EPHA6: variants seen among roughly 807,000 people sequenced by gnomAD.
EPHA6 encodes EPH receptor A6.
Under a neutral mutation model 112.0 loss-of-function variants are expected in EPHA6, and 50 were observed. That is an observed-to-expected ratio of 0.45 (90% CI 0.36 to 0.56). The LOEUF (loss-of-function observed/expected upper bound fraction) is 0.56, where lower values mean the gene tolerates loss of function less well. EPHA6 is among the 20% of genes least tolerant of loss of function. The pLI is 0.00. For synonymous variants in EPHA6, 529 were observed against 490.7 expected, an observed-to-expected ratio of 1.08 and a Z score of -1.03; for missense variants, 1,280 against 1,417.4, an observed-to-expected ratio of 0.90 and a Z score of 1.56.
intron 5 of EPHA6, among the ~76,000 whole-genome samples, chr3:97,259,852 G>A (rs1174671004): frequency 1.3e-5 from 2 of 150,516 alleles, no homozygotes; most frequent in Non-Finnish European, 1.5e-5. Context: ...CCAGGCTGGA[G>A]TGCAGTGGCA....
intron 3 of EPHA6, among the ~76,000 whole-genome samples, chr3:97,085,928 C>CATATATATATAT (rs67777487): frequency 0.025 from 2,961 of 119,332 alleles, 211 homozygotes; most frequent in African/African-American, 0.08. Context: ...TATATGATGT[C>CATATATATATAT]ATATATATAT....
chr3:97,346,628 T>C (rs2083545917), intron 5 of EPHA6, among the ~76,000 whole-genome samples: 1 of 151,972 alleles, frequency 6.6e-6, no homozygotes, highest in Non-Finnish European at 1.5e-5. Flanking sequence ...ACTCTTCTGT[T>C]TTACAAACAT....
chr3:97,176,306 T>C lies in EPHA6; in HGVS notation c.1115-49958T>C, dbSNP rs577577997. ...TTGTTGAATTCAGTTTGCTAGTGTT[T>C]AGTTGAGGATTTTTTCATCAATATT... On this transcript the variant is annotated intron_variant, in intron 3 of 17. Coordinates refer to ENST00000389672, the MANE Select transcript of EPHA6 (RefSeq NM_001080448.3). Among the ~76,000 whole-genome samples the C allele has an allele frequency of 2.0e-5, 3 of 152,100 alleles. No individual in the cohort carries two copies. The East Asian group carries it at 5.8e-4, about 29-fold the overall frequency.
chr3:97,176,238 G>A (rs72922361), intron 3 of EPHA6, among the ~76,000 whole-genome samples: 6,037 of 151,936 alleles, frequency 0.04, 381 homozygotes, highest in African/African-American at 0.13. Flanking sequence ...TTGCATTGCA[G>A]GGATAATCCC....
intron 14 of EPHA6, among the ~76,000 whole-genome samples, chr3:97,669,351 G>T (rs778947166): frequency 6.7e-6 from 1 of 149,398 alleles, no homozygotes; most frequent in Non-Finnish European, 1.5e-5. Flanking sequence ...GTAGATCAGT[G>T]TATCAGTAAT....
At chr3:97,023,953 C>T (rs563102094) in intron 3 of EPHA6, among the ~76,000 whole-genome samples, 1 of 152,216 alleles carries the variant, frequency 6.6e-6, no homozygotes, top group South Asian at 2.1e-4. Context: ...AATGTCAAGG[C>T]TTATTCCTCA....
At chr3:97,593,513 ATTC>A (rs2093562961) in intron 12 of EPHA6, among the ~76,000 whole-genome samples, 2 of 152,188 alleles carry the variant, frequency 1.3e-5, no homozygotes, top group South Asian at 2.1e-4. Flanking sequence ...TGAAATCATA[ATTC>A]TTGTGATTTT....
chr3:97,613,179 A>G (rs919108579), intron 13 of EPHA6, among the ~76,000 whole-genome samples: 1 of 152,122 alleles, frequency 6.6e-6, no homozygotes. Context: ...AAAGTGCTTT[A>G]TAAACTTTGT....
At chr3:97,439,735 G>T (rs748904052) in intron 6 of EPHA6, 4 of 495,866 alleles carry the variant, frequency 8.1e-6, no homozygotes, top group African/African-American at 4.2e-5. Context: ...CTTAGGAAAA[G>T]AATTATATAG....
At chr3:97,152,373 T>C (rs2108378468) in intron 3 of EPHA6, among the ~76,000 whole-genome samples, 1 of 151,100 alleles carries the variant, frequency 6.6e-6, no homozygotes, top group East Asian at 1.9e-4. Context: ...AAATTATTTA[T>C]GTGAAAAAGT....
Position 96,934,974 on chromosome 3 carries a change from AT to A in EPHA6, c.451-52350del, listed in dbSNP as rs911527344. Among the ~76,000 whole-genome samples the A allele has an allele frequency of 5.9e-5, 9 of 151,944 alleles. No homozygotes were observed. In the East Asian group the frequency reaches 1.7e-3, roughly 29 times the overall value. Reference sequence around the variant, plus strand: ...AAGAAATGGGGATATGATATCATTTATTTTTTATATTAACTTTCAATCATAA... The same window carrying A: ...AAGAAATGGGGATATGATATCATTTATTTTTATATTAACTTTCAATCATAA... On this transcript the variant is annotated intron_variant, in intron 2 of 17. Transcript: ENST00000389672.
At chr3:96,825,628 G>C (rs1319426313) in intron 1 of EPHA6, among the ~76,000 whole-genome samples, 1 of 151,764 alleles carries the variant, frequency 6.6e-6, no homozygotes, top group Non-Finnish European at 1.5e-5. Context: ...ATTGCTGTTT[G>C]ATAGAGCCTT....
At chr3:97,203,640 A>G (rs1427207983) in intron 3 of EPHA6, among the ~76,000 whole-genome samples, 1 of 152,190 alleles carries the variant, frequency 6.6e-6, no homozygotes, top group East Asian at 1.9e-4. Context: ...GTGTGGAGGG[A>G]AAAAACAAAA....
At chr3:96,943,995 C>T (rs1455422877) in intron 2 of EPHA6, among the ~76,000 whole-genome samples, 1 of 152,110 alleles carries the variant, frequency 6.6e-6, no homozygotes, top group Non-Finnish European at 1.5e-5. Flanking sequence ...TTATATCCAT[C>T]AGTGAATAAA....
chr3:97,176,283 G>A (rs557779680), intron 3 of EPHA6, among the ~76,000 whole-genome samples: 1 of 151,880 alleles, frequency 6.6e-6, no homozygotes, highest in South Asian at 2.1e-4. Context: ...CTAATATATT[G>A]TTGAATTCAG....
chr3:96,897,908 G>A (rs1252017561), intron 2 of EPHA6, among the ~76,000 whole-genome samples: 2 of 152,172 alleles, frequency 1.3e-5, no homozygotes, highest in Admixed American at 6.5e-5. Flanking sequence ...AGGGAATGAA[G>A]TAGTCCTCAT....
At chr3:97,055,875 A>G (rs2045836230) in intron 3 of EPHA6, among the ~76,000 whole-genome samples, 1 of 152,324 alleles carries the variant, frequency 6.6e-6, no homozygotes, top group South Asian at 2.1e-4. Context: ...TAGGCACTTT[A>G]GAAACTCAAT....
chr3:97,174,239 TTATGGC>T (rs1227863991), intron 3 of EPHA6, among the ~76,000 whole-genome samples: 3 of 152,014 alleles, frequency 2.0e-5, no homozygotes, highest in African/African-American at 7.2e-5. Flanking sequence ...TCATTCTTTT[TTATGGC>T]TGAATAGTAC....
intron 10 of EPHA6, among the ~76,000 whole-genome samples, chr3:97,489,685 TAAAA>T (rs60356185): frequency 3.7e-5 from 5 of 133,474 alleles, no homozygotes; most frequent in African/African-American, 1.3e-4. Context: ...GACTCCGTCT[TAAAA>T]AAAAAAAAAA....
Sources: gnomAD v4.1 joint callset for allele counts (sites outside exome capture counted in the v4.1 genomes callset) on GRCh38, gnomAD v4.1.1 for gene constraint, MANE v1.5 for transcripts, NCBI Gene and HGNC (gene_info 2026-07-23, HGNC 2026-07-21) for gene names.